Variants in NETO1 observed in about 807,000 individuals in gnomAD.
NETO1 encodes the protein neuropilin and tolloid-like protein 1.
Under a neutral mutation model 61.3 loss-of-function variants are expected in NETO1, and 26 were observed. The observed-to-expected ratio is 0.42, with a 90% confidence interval of 0.31 to 0.59. NETO1 has a LOEUF of 0.59. NETO1 is among the 20% of genes least tolerant of loss of function. NETO1 has a pLI of 0.12. For missense variants in NETO1, 531 were observed against 662.8 expected, an observed-to-expected ratio of 0.80 and a Z score of 2.18; for synonymous variants, 225 against 225.8, an observed-to-expected ratio of 1.00 and a Z score of 0.03.
chr18:72,823,389 G>A (rs1306181511), intron 4 of NETO1, among the ~76,000 whole-genome samples: 1 of 152,098 alleles, frequency 6.6e-6, no homozygotes, highest in Admixed American at 6.6e-5. Context: ...AGCGGAGCAG[G>A]GGAAGGCAGA....
intron 7 of NETO1, among the ~76,000 whole-genome samples, chr18:72,770,115 A>T (rs1194484914): frequency 2.0e-5 from 3 of 152,052 alleles, no homozygotes; most frequent in African/African-American, 7.2e-5. Flanking sequence ...TCATTAAATT[A>T]TAAATTTATG....
intron 7 of NETO1, among the ~76,000 whole-genome samples, chr18:72,768,336 G>A (rs1178441748): frequency 6.6e-6 from 1 of 152,130 alleles, no homozygotes; most frequent in East Asian, 1.9e-4. Flanking sequence ...AGGCAGACTT[G>A]TGTTAAGATG....
At position 72,867,385 on chromosome 18, in the gene NETO1, GT is replaced by G; in HGVS notation, c.-95del. The G allele has an allele frequency of 1.0e-6, 1 of 975,714 alleles. No homozygotes were observed. The highest frequency in any genetic ancestry group is 1.5e-6 in the Non-Finnish European group (1 of 685,320). The allele number at this position is 975,714 out of a possible 1,614,324, so 60.4% of individuals were successfully genotyped here. Reference sequence around the variant, plus strand: ...CGGGGGGAGGACAGGGTCGAGAGGTGTTAAAGACGCAAAGCAAGAAGGAAAT... The same window carrying G: ...CGGGGGGAGGACAGGGTCGAGAGGTGTAAAGACGCAAAGCAAGAAGGAAAT... On this transcript the variant is annotated 5_prime_UTR_variant, in exon 1 of 11. The change abolishes the stop of an existing upstream ORF in the 5' untranslated region. Transcript: ENST00000327305.
rs1430672323 is a variant in NETO1 at position 72,783,697 on chromosome 18, G to A, written c.849C>T (p.Leu283=). The A allele has an allele frequency of 6.2e-7, 1 of 1,614,106 alleles. No individual in the cohort carries two copies. Among genetic ancestry groups the A allele is most frequent in the Non-Finnish European group, 8.5e-7 (1 of 1,179,980 alleles). ...EGSRNSRFQM[L]FTSFQEPPCE... ...TCTTACGTTCTTGAAAGGATGTGAA[G>A]AGCATCTGAAATCGGCTGTTTCGAC... The change falls in exon 7 of 11, where the codon CTC becomes CTT. Residue 283 remains leucine, a synonymous_variant. Coordinates refer to ENST00000327305, the MANE Select transcript of NETO1 (RefSeq NM_138966.5).
chr18:72,809,824 C>G (rs531458303), intron 4 of NETO1, among the ~76,000 whole-genome samples: 3 of 152,196 alleles, frequency 2.0e-5, no homozygotes, highest in Non-Finnish European at 4.4e-5. Context: ...AATTTCCTAA[C>G]ATAGTTTTTT....
At chr18:72,863,430 A>T (rs892368934) in intron 3 of NETO1, among the ~76,000 whole-genome samples, 2 of 152,242 alleles carry the variant, frequency 1.3e-5, no homozygotes, top group Non-Finnish European at 2.9e-5. Context: ...ATTGTTTACA[A>T]AAAGGGACAT....
At chr18:72,807,388 TG>T (rs1237257110) in intron 4 of NETO1, among the ~76,000 whole-genome samples, 2 of 152,208 alleles carry the variant, frequency 1.3e-5, no homozygotes, top group African/African-American at 4.8e-5. Flanking sequence ...TGATATGTGC[TG>T]GGCTTGTAAA....
intron 4 of NETO1, among the ~76,000 whole-genome samples, chr18:72,831,938 T>C (rs2073594712): frequency 6.6e-6 from 1 of 152,182 alleles, no homozygotes. Context: ...GTTGGTGTTG[T>C]CTCTTGAAAG....
chr18:72,801,278 T>A (rs867412936), intron 4 of NETO1, among the ~76,000 whole-genome samples: 1 of 152,080 alleles, frequency 6.6e-6, no homozygotes, highest in Non-Finnish European at 1.5e-5. Context: ...AATAATATAC[T>A]CCAATTATGT....
intron 4 of NETO1, among the ~76,000 whole-genome samples, chr18:72,801,485 T>C (rs1194588487): frequency 3.3e-5 from 5 of 152,186 alleles, no homozygotes; most frequent in Non-Finnish European, 7.3e-5. Context: ...ACTAATAAAG[T>C]ATGTGAATGT....
chr18:72,853,870 T>G lies in NETO1; in HGVS notation c.469+4956A>C, dbSNP rs56662077. 7.6e-3 allele frequency among the ~76,000 whole-genome samples: 1,164 copies of G among 152,216 alleles called. 32 individuals carry two copies. In the East Asian group the frequency reaches 0.092, roughly 12 times the overall value. On this transcript the variant is annotated intron_variant, in intron 4 of 10. Coordinates refer to ENST00000327305, the MANE Select transcript of NETO1 (RefSeq NM_138966.5). ...AGTTGTTGAATAAATAATACGAAGATTTTTTTCTTTCTTACCAGAGCACCT... is the reference window on the plus strand; with the variant it reads ...AGTTGTTGAATAAATAATACGAAGAGTTTTTTCTTTCTTACCAGAGCACCT...
At chr18:72,814,851 G>A (rs1477277150) in intron 4 of NETO1, among the ~76,000 whole-genome samples, 1 of 151,740 alleles carries the variant, frequency 6.6e-6, no homozygotes, top group African/African-American at 2.4e-5. Context: ...TAGGTACAAT[G>A]TTATCATTGC....
At chr18:72,743,162 C>T (rs1239831686), downstream of NETO1, among the ~76,000 whole-genome samples, 1 of 152,158 alleles carries the variant, frequency 6.6e-6, no homozygotes, top group African/African-American at 2.4e-5. Flanking sequence ...GTATTCCATG[C>T]ACTCAGAAAT....
At chr18:72,753,248 C>A (rs1333167347) in intron 8 of NETO1, among the ~76,000 whole-genome samples, 2 of 145,850 alleles carry the variant, frequency 1.4e-5, no homozygotes, top group Non-Finnish European at 3.1e-5. Flanking sequence ...AAATAAAACA[C>A]CTTGAAAGCA....
intron 7 of NETO1, among the ~76,000 whole-genome samples, chr18:72,777,914 G>A (rs1303303183): frequency 6.6e-6 from 1 of 152,172 alleles, no homozygotes; most frequent in Admixed American, 6.5e-5. Flanking sequence ...CCCACCCCAT[G>A]ATTCGGTTTG....
chr18:72,842,049 T>C (rs575584901), intron 4 of NETO1, among the ~76,000 whole-genome samples: 8 of 70,848 alleles, frequency 1.1e-4, no homozygotes, highest in African/African-American at 4.4e-4. Context: ...ATACAGAAGT[T>C]TCCTGAGAGG....
intron 1 of NETO1, 122 bp downstream of exon 1, chr18:72,867,142 C>A (rs1599206166): frequency 1.5e-6 from 1 of 672,684 alleles, no homozygotes; most frequent in East Asian, 3.4e-5. Flanking sequence ...GGCCCCGACC[C>A]GCGCGGGACT....
In NETO1 at chr18:72,797,876, C is replaced by T. The variant is rs2145300335; in HGVS notation, c.470-3472G>A. On this transcript the variant is annotated intron_variant, in intron 4 of 10. Transcript: ENST00000327305. ...CCTTTTGTCTCTCTGCAATAACTTT[C>T]TCCTGGCTTTGGAGAGCTGGATCTT... 2.0e-5 allele frequency among the ~76,000 whole-genome samples: 3 copies of T among 152,282 alleles called. No individual in the cohort carries two copies. The East Asian group carries it at 5.8e-4, about 29-fold the overall frequency.
At chr18:72,800,271 C>T (rs2072461414) in intron 4 of NETO1, among the ~76,000 whole-genome samples, 1 of 152,200 alleles carries the variant, frequency 6.6e-6, no homozygotes, top group African/African-American at 2.4e-5. Context: ...TGACTTTAAA[C>T]GTGTGTTTGA....
Sources: gnomAD v4.1 joint callset for allele counts (sites outside exome capture counted in the v4.1 genomes callset) on GRCh38, gnomAD v4.1.1 for gene constraint, MANE v1.5 for transcripts, NCBI Gene and HGNC (gene_info 2026-07-23, HGNC 2026-07-21) for gene names.